MX2: variants seen among roughly 807,000 people sequenced by gnomAD.
The protein encoded by MX2 is MX dynamin like GTPase 2.
MX2 carries 51 observed loss-of-function variants against 74.0 expected under a neutral mutation model. The ratio of observed to expected loss-of-function variants is 0.69; its 90% CI spans 0.55 to 0.87. The LOEUF is 0.87. MX2 is among the 40% of genes least tolerant of loss of function. The probability of loss-of-function intolerance (pLI) is 0.00; values close to 1 mark genes in which losing one functional copy is unlikely to be tolerated. For missense variants in MX2, 832 were observed against 908.7 expected (o/e 0.92, Z 1.09); for synonymous variants, 369 against 339.3 (o/e 1.09, Z -0.96).
chr21:41,399,388 C>T (rs746987523), intron 10 of MX2, 51 bp downstream of exon 10: 13 of 1,575,222 alleles, frequency 8.3e-6, no homozygotes, highest in Non-Finnish European at 1.1e-5. Flanking sequence ...TTACCCAGAC[C>T]AGAGGCTATG....
intron 11 of MX2, 107 bp from the exon 12 acceptor site, chr21:41,403,160 G>A: frequency 1.2e-6 from 1 of 867,334 alleles, no homozygotes; most frequent in African/African-American, 1.7e-5. Context: ...TCCTGGAATG[G>A]GTCAGTGTAT....
At chr21:41,391,255 A>G (rs1054820969) in intron 6 of MX2, among the ~76,000 whole-genome samples, 1 of 150,274 alleles carries the variant, frequency 6.7e-6, no homozygotes, top group South Asian at 2.2e-4. Flanking sequence ...GAAAGAAAAA[A>G]AGTTTTCTAA....
Position 41,397,639 on chromosome 21 carries a change from CG to C in MX2, c.1099del (p.Val367PhefsTer23). ...GTTCTCCTGGAGGAGGGGTCAGCCA[CG>C]GTTCCCCGACTGGCAGAAAGACTTA... is the stretch of plus-strand genomic sequence containing the variant. Reference protein sequence around the residue: ...FRVLLEEGSATVPRLAERLTT... With the variant: ...FRVLLEEGSAXVPRLAERLTT... On this transcript the variant is annotated frameshift_variant, in exon 8 of 14. Coordinates refer to ENST00000330714, the MANE Select transcript of MX2 (RefSeq NM_002463.2). LOFTEE classifies it high-confidence loss of function. 1 of 1,614,034 alleles carries C rather than the reference CG, an allele frequency of 6.2e-7. No homozygotes were observed.
In MX2 at chr21:41,408,254, T is replaced by G. The variant is rs2089913275; in HGVS notation, c.*21T>G. The G allele has an allele frequency of 1.9e-6, 3 of 1,611,962 alleles. No homozygotes were observed. The highest frequency in any genetic ancestry group is 1.7e-5 in the Admixed American group (1 of 59,878). ...ACTGAAGGGCGGCGATGCCTGTGGTTGTTTTCTTGTGCGTACTCATTCATT... is the reference window on the plus strand; with the variant it reads ...ACTGAAGGGCGGCGATGCCTGTGGTGGTTTTCTTGTGCGTACTCATTCATT... On this transcript the variant is annotated 3_prime_UTR_variant, in exon 14 of 14. Coordinates refer to ENST00000330714, the MANE Select transcript of MX2 (RefSeq NM_002463.2).
chr21:41,365,247 A>C (rs1406963702), intron 1 of MX2: 1 of 152,020 alleles, frequency 6.6e-6, no homozygotes, highest in African/African-American at 2.4e-5. Flanking sequence ...CTTCTATTTT[A>C]GGTTCAGGGG....
intron 5 of MX2, among the ~76,000 whole-genome samples, chr21:41,384,934 A>C (rs896576133): frequency 6.6e-6 from 1 of 152,158 alleles, no homozygotes; most frequent in Non-Finnish European, 1.5e-5. Context: ...ATCATTACAA[A>C]GGGATTTTGT....
rs998761875 is a variant in MX2, at chr21:41,388,315, A to G, written c.733-2250A>G. 2.0e-5 allele frequency among the ~76,000 whole-genome samples: 3 copies of G among 151,930 alleles called. No individual in the cohort carries two copies. The highest frequency in any genetic ancestry group is 4.8e-5 in the African/African-American group (2 of 41,366). On this transcript the variant is annotated intron_variant, in intron 5 of 13. Transcript: ENST00000330714. This position sits in a 1 kb window ranked among gnomAD's most constrained non-coding sequence, Gnocchi z 4.0. ...GCGCCTTGGCCCCTCGCTCCACCCTACCACATCCGGGTTCTGCGGCCCTTG... is the reference window on the plus strand; with the variant it reads ...GCGCCTTGGCCCCTCGCTCCACCCTGCCACATCCGGGTTCTGCGGCCCTTG...
chr21:41,403,045 G>T, intron 11 of MX2: 1 of 511,720 alleles, frequency 2.0e-6, no homozygotes, highest in Non-Finnish European at 3.6e-6. Context: ...ACAGGCACGG[G>T]AAATGGACAG....
At chr21:41,369,854 GC>G (rs2089300573) in intron 1 of MX2, among the ~76,000 whole-genome samples, 1 of 20,282 alleles carries the variant, frequency 4.9e-5, no homozygotes, top group Non-Finnish European at 1.1e-4. Flanking sequence ...CCCCGCTCCC[GC>G]CCCGCCGTGG....
Position 41,376,901 on chromosome 21 carries a change from C to T in MX2, c.-6C>T, listed in dbSNP as rs879124899. On this transcript the variant is annotated 5_prime_UTR_variant, in exon 2 of 14. Coordinates refer to ENST00000330714, the MANE Select transcript of MX2 (RefSeq NM_002463.2). ...GCATCCCCCAGCTCTGACAGGGAGA[C>T]AGCACATGTCTAAGGCCCACAAGCC... 1.2e-6 allele frequency: 2 copies of T among 1,613,308 alleles called. No homozygotes were observed. Among genetic ancestry groups the T allele is most frequent in the South Asian group, 1.1e-5 (1 of 91,036 alleles).
chr21:41,398,955 A>G lies in MX2; in HGVS notation c.1208A>G (p.Glu403Gly), dbSNP rs2089772324. ...GAGAGCCACCAGAAGGCGACCGAGG[A>G]GCTGCGGCGTTGCGGGGCTGACATC... ...IRESHQKATE[E>G]LRRCGADIPS... The change falls in exon 9 of 14, where the codon GAG becomes GGG. Residue 403 changes from glutamate (E) to glycine (G), a missense_variant. Glu to Gly is a moderately conservative substitution (Grantham distance 98). Transcript: ENST00000330714. 2 of 1,614,090 alleles carry G rather than the reference A, an allele frequency of 1.2e-6. No homozygotes were observed. The highest frequency in any genetic ancestry group is 1.7e-6 in the Non-Finnish European group (2 of 1,179,948).
In MX2 at chr21:41,402,880, G is replaced by A. The variant is rs1454928592; in HGVS notation, c.1574-387G>A. 1 of 214,224 alleles carries A rather than the reference G, an allele frequency of 4.7e-6. No individual in the cohort carries two copies. Among genetic ancestry groups the A allele is most frequent in the African/African-American group, 2.3e-5 (1 of 44,116 alleles). The allele number at this position is 214,224 out of a possible 1,614,324, so 13.3% of individuals were successfully genotyped here. A position where few individuals can be genotyped will look rare whatever the true frequency, so the allele number is the denominator to read the frequency against. On this transcript the variant is annotated intron_variant, in intron 11 of 13. Coordinates refer to ENST00000330714, the MANE Select transcript of MX2 (RefSeq NM_002463.2). The surrounding 1 kb of genome is among the most constrained non-coding windows in gnomAD (Gnocchi z 4.5). ...CACAACAGGGTTTGTGCTCCTGTGA[G>A]AATCTAGTGCCACCGCAGATCTGAA...
At chr21:41,378,285 GCTGGGAGAGACAGATCA>G (rs1252256148) in intron 3 of MX2, among the ~76,000 whole-genome samples, 1 of 129,872 alleles carries the variant, frequency 7.7e-6, no homozygotes, top group Non-Finnish European at 1.6e-5. Flanking sequence ...GAGACAGGCT[GCTGGGAGAGACAGATCA>G]CTGGGAGAGA....
chr21:41,377,735 C>A, intron 2 of MX2, 54 bp from the exon 3 acceptor site: 1 of 1,542,000 alleles, frequency 6.5e-7, no homozygotes. Context: ...ATCTCCATGA[C>A]ACCAGGGACC....
chr21:41,393,386 C>T (rs2089689430), intron 6 of MX2, among the ~76,000 whole-genome samples: 2 of 152,168 alleles, frequency 1.3e-5, no homozygotes, highest in South Asian at 4.1e-4. Flanking sequence ...CTGTCGAGGT[C>T]ACCCACACCC....
In MX2 at chr21:41,368,225, G is replaced by C. The variant is rs1414341038; in HGVS notation, c.-72+6170G>C. On this transcript the variant is annotated intron_variant, in intron 1 of 13. Transcript: ENST00000330714. This position sits in a 1 kb window ranked among gnomAD's most constrained non-coding sequence, Gnocchi z 4.6. ...TCTGTGCATAGCCCAAGTCCCACCTGTCCATGTGTCACCCGGCTCTTCCGT... is the reference window on the plus strand; with the variant it reads ...TCTGTGCATAGCCCAAGTCCCACCTCTCCATGTGTCACCCGGCTCTTCCGT... Among the ~76,000 whole-genome samples the C allele has an allele frequency of 1.3e-5, 2 of 152,124 alleles. No individual in the cohort carries two copies. Among genetic ancestry groups the C allele is most frequent in the African/African-American group, 4.8e-5 (2 of 41,418 alleles).
At chr21:41,362,750 CTTTTTTTTTTTTTTTT>C (rs56903696) in intron 1 of MX2, among the ~76,000 whole-genome samples, 4 of 82,158 alleles carry the variant, frequency 4.9e-5, no homozygotes, top group African/African-American at 2.0e-4. Flanking sequence ...GTTTTTTTTT[CTTTTTTTTTTTTTTTT>C]TTTTTTTTTT....
chr21:41,402,393 G>A lies in MX2; in HGVS notation c.1573+265G>A, dbSNP rs137958633. Among the ~76,000 whole-genome samples, 2 of 152,330 alleles carry A rather than the reference G, an allele frequency of 1.3e-5. No homozygotes were observed. The highest frequency in any genetic ancestry group is 2.9e-5 in the Non-Finnish European group (2 of 68,032). On this transcript the variant is annotated intron_variant, in intron 11 of 13. Transcript: ENST00000330714. This position sits in a 1 kb window ranked among gnomAD's most constrained non-coding sequence, Gnocchi z 4.5. ...TGGGGAAGCACACTGAGTGCCATAG[G>A]CGTTCCATCGCTGTCCTTCAAACAC...
chr21:41,406,452 G>C (rs1470267579), intron 12 of MX2, among the ~76,000 whole-genome samples: 1 of 152,220 alleles, frequency 6.6e-6, no homozygotes, highest in African/African-American at 2.4e-5. Context: ...GACTAAGCCT[G>C]TTCCTGTTGA....
Sources: allele counts gnomAD v4.1 joint callset (sites outside exome capture counted in the v4.1 genomes callset), GRCh38; gene constraint gnomAD v4.1.1; non-coding constraint Gnocchi (gnomAD v3.1); transcripts MANE v1.5; gene names NCBI Gene and HGNC (gene_info 2026-07-23, HGNC 2026-07-21).